Variants in TFEC observed in about 807,000 individuals in gnomAD.
The protein encoded by TFEC is transcription factor EC.
Under a neutral mutation model 41.6 loss-of-function variants are expected in TFEC, and 31 were observed. The observed-to-expected ratio is 0.74, with a 90% confidence interval of 0.56 to 1.01. The LOEUF (loss-of-function observed/expected upper bound fraction) is 1.01. TFEC is among the 50% of genes least tolerant of loss of function. The probability of loss-of-function intolerance (pLI) is 0.00; values close to 1 mark genes in which losing one functional copy is unlikely to be tolerated. For synonymous variants in TFEC, 143 were observed against 140.6 expected (o/e 1.02, Z -0.12); for missense variants, 402 against 404.1 (o/e 0.99, Z 0.04).
chr7:116,057,419 A>G (rs899087904), intron 3 of TFEC, among the ~76,000 whole-genome samples: 4 of 152,002 alleles, frequency 2.6e-5, no homozygotes, highest in South Asian at 2.1e-4. Flanking sequence ...AGGTCAACCT[A>G]TATTTCTATA....
intron 3 of TFEC, among the ~76,000 whole-genome samples, chr7:116,037,403 C>T (rs1318158868): frequency 2.0e-5 from 3 of 151,950 alleles, no homozygotes; most frequent in Non-Finnish European, 4.4e-5. Context: ...AAATCAGTAT[C>T]ATATAGAAAA....
At chr7:116,085,023 G>C (rs932198258) in intron 3 of TFEC, among the ~76,000 whole-genome samples, 3 of 151,840 alleles carry the variant, frequency 2.0e-5, no homozygotes, top group African/African-American at 7.2e-5. Flanking sequence ...AGGAACAGGA[G>C]ATAGCTTGAA....
intron 1 of TFEC, among the ~76,000 whole-genome samples, chr7:115,991,317 C>G (rs1266340993): frequency 2.0e-5 from 3 of 152,184 alleles, no homozygotes; most frequent in Non-Finnish European, 2.9e-5. Flanking sequence ...ACTGCATCAA[C>G]TAACGAGCAA....
intron 3 of TFEC, among the ~76,000 whole-genome samples, chr7:115,965,547 A>T (rs926140851): frequency 1.3e-5 from 2 of 151,564 alleles, no homozygotes; most frequent in African/African-American, 4.8e-5. Context: ...TGAAGTTACT[A>T]ATGTCTCCAA....
At chr7:115,942,170 T>C in intron 6 of TFEC, 130 bp from the exon 7 acceptor site, 1 of 922,244 alleles carries the variant, frequency 1.1e-6, no homozygotes, top group Non-Finnish European at 1.5e-6. Context: ...ATATTATTGC[T>C]TCTGAATAGA....
chr7:116,080,641 A>G (rs1442867236), intron 3 of TFEC, among the ~76,000 whole-genome samples: 1 of 151,998 alleles, frequency 6.6e-6, no homozygotes, highest in Non-Finnish European at 1.5e-5. Flanking sequence ...ACCACAATGC[A>G]GTGCCACATT....
intron 1 of TFEC, among the ~76,000 whole-genome samples, chr7:116,016,638 T>C (rs1408193699): frequency 1.3e-5 from 2 of 152,042 alleles, no homozygotes; most frequent in African/African-American, 4.8e-5. Context: ...ATGTTTCTGC[T>C]CTGGAATTTT....
chr7:115,968,271 A>C, intron 3 of TFEC: 1 of 1,528,222 alleles, frequency 6.5e-7, no homozygotes, highest in Non-Finnish European at 8.8e-7. Flanking sequence ...TTAAACTTGC[A>C]AACAATAACC....
At position 115,950,873 on chromosome 7, in the gene TFEC, C is replaced by T. The variant is rs1377961775; in HGVS notation, c.515+1G>A. 10 of 1,594,612 alleles carry T rather than the reference C, an allele frequency of 6.3e-6. No individual in the cohort carries two copies. The highest frequency in any genetic ancestry group is 4.5e-5 in the East Asian group (2 of 44,364). On this transcript the variant is annotated splice_donor_variant, in intron 6 of 7. Coordinates refer to ENST00000265440, the MANE Select transcript of TFEC (RefSeq NM_012252.4). LOFTEE classifies it high-confidence loss of function. ...ATTATAGAAATGATTGTTGAACTCA[C>T]GGATCATTAGACTTTGGAATAAGAG...
intron 1 of TFEC, among the ~76,000 whole-genome samples, chr7:116,028,358 A>G (rs372789743): frequency 1.2e-4 from 19 of 152,198 alleles, no homozygotes; most frequent in African/African-American, 4.6e-4. Flanking sequence ...TGGCATTCAC[A>G]ATTCTATATA....
chr7:115,992,214 G>T (rs573860266), intron 1 of TFEC, among the ~76,000 whole-genome samples: 47 of 152,310 alleles, frequency 3.1e-4, no homozygotes, highest in African/African-American at 1.1e-3. Context: ...GCAGTGTGTA[G>T]AGGGAAATTT....
At chr7:116,069,250 T>C (rs1476311845) in intron 3 of TFEC, among the ~76,000 whole-genome samples, 3 of 151,534 alleles carry the variant, frequency 2.0e-5, no homozygotes, top group Non-Finnish European at 4.4e-5. Context: ...ATGATGTATT[T>C]TGAAAGACAG....
chr7:116,081,017 A>G (rs939252534), intron 3 of TFEC, among the ~76,000 whole-genome samples: 36 of 129,492 alleles, frequency 2.8e-4, no homozygotes, highest in Middle Eastern at 3.9e-3. Context: ...GTGTGTGTGT[A>G]TAAATATAAA....
intron 2 of TFEC, chr7:116,110,956 C>T (rs1327372491): frequency 7.2e-6 from 9 of 1,258,434 alleles, no homozygotes; most frequent in South Asian, 3.5e-5. Context: ...AAAAGGAGCA[C>T]TGTAAAACAC....
chr7:115,969,609 A>G (rs944002824), intron 3 of TFEC, among the ~76,000 whole-genome samples: 1 of 151,986 alleles, frequency 6.6e-6, no homozygotes, highest in East Asian at 1.9e-4. Flanking sequence ...TGACTATAAT[A>G]AAGTGTCTGG....
chr7:116,130,659 T>C (rs1562980732), intron 1 of TFEC, among the ~76,000 whole-genome samples: 2 of 152,116 alleles, frequency 1.3e-5, no homozygotes, highest in Non-Finnish European at 2.9e-5. Flanking sequence ...GTTGTCCAGA[T>C]TGGAGTGCAG....
At chr7:116,045,644 G>T (rs1466637056) in intron 3 of TFEC, among the ~76,000 whole-genome samples, 2 of 152,236 alleles carry the variant, frequency 1.3e-5, no homozygotes, top group East Asian at 3.9e-4. Flanking sequence ...CCTCTGCTAG[G>T]GCAGTAAGAA....
At chr7:116,050,449 A>G (rs991605011) in intron 3 of TFEC, among the ~76,000 whole-genome samples, 104 of 152,344 alleles carry the variant, frequency 6.8e-4, no homozygotes, top group South Asian at 8.3e-4. Flanking sequence ...CAAATTTACA[A>G]GAAAAAATCA....
intron 3 of TFEC, among the ~76,000 whole-genome samples, chr7:116,036,395 T>C (rs1267832387): frequency 1.3e-5 from 2 of 152,096 alleles, no homozygotes; most frequent in South Asian, 2.1e-4. Context: ...GTTCATATCA[T>C]GCAGAAAGCA....
Sources: allele counts gnomAD v4.1 joint callset (sites outside exome capture counted in the v4.1 genomes callset), GRCh38; gene constraint gnomAD v4.1.1; transcripts MANE v1.5; gene names NCBI Gene and HGNC (gene_info 2026-07-23, HGNC 2026-07-21).